Variants in ASAP2 observed in about 807,000 individuals in gnomAD.
ASAP2 encodes the protein ArfGAP with SH3 domain, ankyrin repeat and PH domain 2.
A neutral mutation model predicts 131.4 loss-of-function variants in ASAP2; 45 were observed. The observed-to-expected ratio is 0.34, with a 90% CI of 0.27 to 0.44. The LOEUF (loss-of-function observed/expected upper bound fraction) is 0.44. Among genes scored for constraint, ASAP2 ranks in the 20% least tolerant of loss-of-function variants. ASAP2 has a pLI of 1.00. For missense variants in ASAP2, 1,011 were observed against 1,297.0 expected (o/e 0.78, Z 3.39); for synonymous variants, 510 against 503.0 (o/e 1.01, Z -0.19).
chr2:9,388,253 A>G, intron 21 of ASAP2, 41 bp from the exon 22 acceptor site: 1 of 1,608,304 alleles, frequency 6.2e-7, no homozygotes, highest in Non-Finnish European at 8.5e-7. Context: ...GGAGCAGTTC[A>G]TATTTGTCTC....
intron 1 of ASAP2, among the ~76,000 whole-genome samples, chr2:9,253,312 C>G (rs187480493): frequency 1.3e-5 from 2 of 151,900 alleles, no homozygotes; most frequent in Non-Finnish European, 2.9e-5. Flanking sequence ...TACAGGTGCC[C>G]GCCACCACAC....
chr2:9,404,649 A>C lies in ASAP2; in HGVS notation c.*1322A>C, dbSNP rs1175426402. 6.6e-6 allele frequency: 1 copy of C among 152,622 alleles called. No individual in the cohort carries two copies. The highest frequency in any genetic ancestry group is 2.4e-5 in the African/African-American group (1 of 41,460). 9.5% of individuals were successfully genotyped at this position (152,622 alleles called of 1,614,324 possible). A position where few individuals can be genotyped will look rare whatever the true frequency, so the allele number is the denominator to read the frequency against. The stretch of plus-strand genomic sequence containing the variant: ...GAATAAATTTGCATATAGGCTTGGA[A>C]AGTGAGGCAGCAATGCTGTTAACTG... On this transcript the variant is annotated 3_prime_UTR_variant, in exon 28 of 28. Transcript: ENST00000281419.
At chr2:9,241,704 G>A (rs1419002179) in intron 1 of ASAP2, among the ~76,000 whole-genome samples, 5 of 152,188 alleles carry the variant, frequency 3.3e-5, no homozygotes, top group Non-Finnish European at 4.4e-5. Flanking sequence ...GATATGTACT[G>A]TAATTTTCCT....
chr2:9,255,989 A>G (rs1665130978), intron 1 of ASAP2, among the ~76,000 whole-genome samples: 2 of 152,108 alleles, frequency 1.3e-5, no homozygotes, highest in Non-Finnish European at 2.9e-5. Flanking sequence ...ACCTCCAGTG[A>G]TCTGGCTCTA....
At chr2:9,354,143 G>T (rs1332237211) in intron 12 of ASAP2, among the ~76,000 whole-genome samples, 1 of 152,196 alleles carries the variant, frequency 6.6e-6, no homozygotes. Context: ...GGCACCCTGG[G>T]AGGGATGGAA....
intron 1 of ASAP2, among the ~76,000 whole-genome samples, chr2:9,277,793 A>T (rs1042030214): frequency 6.6e-6 from 1 of 152,158 alleles, no homozygotes; most frequent in Non-Finnish European, 1.5e-5. Context: ...TAATGACATG[A>T]TTATAACTTC....
chr2:9,332,001 G>T (rs554369004), intron 7 of ASAP2, among the ~76,000 whole-genome samples: 1 of 152,244 alleles, frequency 6.6e-6, no homozygotes, highest in East Asian at 1.9e-4. Context: ...TGGCGTGAAG[G>T]CTGCAGGAGG....
chr2:9,229,216 C>T (rs935301634), intron 1 of ASAP2, among the ~76,000 whole-genome samples: 1 of 152,194 alleles, frequency 6.6e-6, no homozygotes, highest in Non-Finnish European at 1.5e-5. Context: ...GATAGTAGGG[C>T]ATACCTGCAG....
intron 16 of ASAP2, among the ~76,000 whole-genome samples, chr2:9,373,595 G>A (rs970275690): frequency 1.3e-5 from 2 of 152,200 alleles, no homozygotes; most frequent in African/African-American, 2.4e-5. Flanking sequence ...GGGGATTTAG[G>A]GCAGGTACAG....
chr2:9,228,937 C>A (rs1287923052), intron 1 of ASAP2, among the ~76,000 whole-genome samples: 1 of 152,160 alleles, frequency 6.6e-6, no homozygotes, highest in Non-Finnish European at 1.5e-5. Context: ...TCAAGCACCC[C>A]TCACGGGCCA....
At chr2:9,247,537 G>A (rs1452094462) in intron 1 of ASAP2, among the ~76,000 whole-genome samples, 1 of 152,162 alleles carries the variant, frequency 6.6e-6, no homozygotes, top group Admixed American at 6.6e-5. Flanking sequence ...ATTATAGAAG[G>A]GTTTTTAAGG....
intron 1 of ASAP2, among the ~76,000 whole-genome samples, chr2:9,258,814 T>C (rs1665363052): frequency 6.6e-6 from 1 of 152,244 alleles, no homozygotes; most frequent in Non-Finnish European, 1.5e-5. Flanking sequence ...TTTATTTCTC[T>C]CGCTCTCTCT....
intron 1 of ASAP2, among the ~76,000 whole-genome samples, chr2:9,259,177 CA>C (rs1665402121): frequency 6.6e-6 from 1 of 152,206 alleles, no homozygotes; most frequent in South Asian, 2.1e-4. Flanking sequence ...GCTGGGGTTT[CA>C]AATTTTCTTT....
intron 3 of ASAP2, among the ~76,000 whole-genome samples, chr2:9,299,816 T>C (rs1159934417): frequency 1.3e-5 from 2 of 151,982 alleles, no homozygotes; most frequent in African/African-American, 4.8e-5. Context: ...GTGGATAGAT[T>C]ATAGCCAGCC....
At chr2:9,234,598 A>G (rs1294615177) in intron 1 of ASAP2, among the ~76,000 whole-genome samples, 1 of 152,216 alleles carries the variant, frequency 6.6e-6, no homozygotes, top group East Asian at 1.9e-4. Context: ...CACCTGGGGA[A>G]GTGGGCACTA....
At chr2:9,252,910 G>A (rs562159844) in intron 1 of ASAP2, among the ~76,000 whole-genome samples, 14 of 111,060 alleles carry the variant, frequency 1.3e-4, no homozygotes, top group African/African-American at 4.8e-4. Context: ...GCGAGACTCC[G>A]TCTCAAAAAA....
chr2:9,291,383 G>C (rs1444449942), intron 2 of ASAP2, among the ~76,000 whole-genome samples: 1 of 152,180 alleles, frequency 6.6e-6, no homozygotes, highest in Non-Finnish European at 1.5e-5. Flanking sequence ...ACTAAGTAGA[G>C]ACCCTGTTAA....
intron 1 of ASAP2, among the ~76,000 whole-genome samples, chr2:9,255,590 A>G (rs564704890): frequency 2.6e-5 from 4 of 152,350 alleles, no homozygotes; most frequent in African/African-American, 9.6e-5. Context: ...TGGATTCGGC[A>G]GATGGTGTCG....
intron 1 of ASAP2, among the ~76,000 whole-genome samples, chr2:9,231,891 C>T (rs1303126462): frequency 6.6e-6 from 1 of 152,080 alleles, no homozygotes; most frequent in Admixed American, 6.5e-5. Flanking sequence ...CTTGACCCAG[C>T]GGACACTTTG....
Sources: allele counts gnomAD v4.1 joint callset (sites outside exome capture counted in the v4.1 genomes callset), GRCh38; gene constraint gnomAD v4.1.1; transcripts MANE v1.5; gene names NCBI Gene and HGNC (gene_info 2026-07-23, HGNC 2026-07-21).